SDR16C5: variants seen among roughly 807,000 people sequenced by gnomAD.
SDR16C5 encodes short chain dehydrogenase/reductase family 16C member 5.
In SDR16C5, 20 loss-of-function variants were observed where a neutral mutation model predicts 27.7. The ratio of observed to expected loss-of-function variants is 0.72; its 90% CI spans 0.51 to 1.05. SDR16C5 has a LOEUF of 1.05. Ranked by LOEUF, SDR16C5 falls within the 50% of genes least tolerant of loss-of-function variation. The pLI, the probability that SDR16C5 is intolerant of heterozygous loss-of-function variation, is 0.00. For synonymous variants in SDR16C5, 139 were observed against 132.3 expected, an observed-to-expected ratio of 1.05 and a Z score of -0.35; for missense variants, 374 against 366.3, an observed-to-expected ratio of 1.02 and a Z score of -0.17.
chr8:56,305,020 C>T (rs564277093), intron 6 of SDR16C5, among the ~76,000 whole-genome samples: 42 of 152,312 alleles, frequency 2.8e-4, no homozygotes, highest in Non-Finnish European at 2.8e-4. Context: ...AATCCTCTCA[C>T]CTTGGACTCC....
intron 1 of SDR16C5, among the ~76,000 whole-genome samples, chr8:56,318,972 C>G (rs1203359859): frequency 6.6e-6 from 1 of 152,106 alleles, no homozygotes; most frequent in African/African-American, 2.4e-5. Context: ...TCTTGTGCCT[C>G]AGTTTCCTCC....
rs1419254471 is a variant in SDR16C5 at position 56,303,288 on chromosome 8, C to T, written c.837-1715G>A. On this transcript the variant is annotated intron_variant, in intron 6 of 6. Transcript: ENST00000303749. ...CAAGATTGCGCCATTGCACTCCAGC[C>T]CGGGTGATGAGCGAAACTCCATCTT... is the stretch of plus-strand genomic sequence containing the variant. 2.0e-5 allele frequency among the ~76,000 whole-genome samples: 3 copies of T among 150,784 alleles called. No homozygotes were observed. The East Asian group carries it at 5.8e-4, about 29-fold the overall frequency.
At position 56,316,306 on chromosome 8, in the gene SDR16C5, G is replaced by GA; in HGVS notation, c.41dup (p.Gly16ArgfsTer6). The GA allele has an allele frequency of 6.2e-7, 1 of 1,614,052 alleles. No homozygotes were observed. The highest frequency in any genetic ancestry group is 1.3e-5 in the African/African-American group (1 of 75,046). On this transcript the variant is annotated frameshift_variant, in exon 2 of 7. Transcript: ENST00000303749. LOFTEE classifies it high-confidence loss of function. ...GAAGACTAAACAGTGATTTTCCTAAGAAAATGAACAGTTTCTTTGATGATT... is the reference window on the plus strand; with the variant it reads ...GAAGACTAAACAGTGATTTTCCTAAGAAAAATGAACAGTTTCTTTGATGATT...
intron 3 of SDR16C5, chr8:56,309,454 G>C (rs992196914): frequency 2.0e-6 from 2 of 985,318 alleles, no homozygotes; most frequent in Non-Finnish European, 1.2e-6. Flanking sequence ...TCTGGCTGTT[G>C]ACTTCAATTT....
chr8:56,309,042 G>A lies in SDR16C5; in HGVS notation c.466-15C>T. On this transcript the variant is annotated splice_polypyrimidine_tract_variant and intron_variant, in intron 3 of 6. Transcript: ENST00000303749. Reference sequence around the variant, plus strand: ...GCTTTATAAGTCTAAGAATACAAAGGAAAACTTTTAATGTTTAATGCCACA... The same window carrying A: ...GCTTTATAAGTCTAAGAATACAAAGAAAAACTTTTAATGTTTAATGCCACA... 1 of 1,552,688 alleles carries A rather than the reference G, an allele frequency of 6.4e-7. No homozygotes were observed. The highest frequency in any genetic ancestry group is 8.8e-7 in the Non-Finnish European group (1 of 1,139,914).
intron 2 of SDR16C5, among the ~76,000 whole-genome samples, chr8:56,314,338 C>T (rs964590468): frequency 6.6e-6 from 1 of 152,130 alleles, no homozygotes; most frequent in African/African-American, 2.4e-5. Context: ...CAAGACCCCA[C>T]AGTGATAAAA....
chr8:56,305,363 C>T (rs1478333801), intron 6 of SDR16C5, among the ~76,000 whole-genome samples: 3 of 152,144 alleles, frequency 2.0e-5, no homozygotes, highest in African/African-American at 7.2e-5. Context: ...TAATTCGATA[C>T]TAAGGTGGCA....
chr8:56,311,834 G>A (rs1815051783), intron 3 of SDR16C5, among the ~76,000 whole-genome samples: 2 of 152,210 alleles, frequency 1.3e-5, no homozygotes, highest in Admixed American at 6.5e-5. Context: ...AATCTTTTAA[G>A]TTCTATGATC....
intron 1 of SDR16C5, among the ~76,000 whole-genome samples, chr8:56,319,699 A>G (rs1244042980): frequency 6.6e-6 from 1 of 152,162 alleles, no homozygotes; most frequent in Non-Finnish European, 1.5e-5. Flanking sequence ...CGGAAGGTGG[A>G]TGCACTGAGC....
At chr8:56,302,218 C>T (rs1009231515) in intron 6 of SDR16C5, among the ~76,000 whole-genome samples, 9 of 152,192 alleles carry the variant, frequency 5.9e-5, no homozygotes, top group African/African-American at 2.2e-4. Context: ...ACCTGAGACT[C>T]ATCCTAAGGT....
intron 3 of SDR16C5, among the ~76,000 whole-genome samples, chr8:56,310,963 T>G (rs1428112109): frequency 6.6e-6 from 1 of 152,142 alleles, no homozygotes; most frequent in African/African-American, 2.4e-5. Flanking sequence ...ATTACATTTT[T>G]GGTGGAAATA....
In SDR16C5 at chr8:56,319,487, C is replaced by T. The variant is rs73598193; in HGVS notation, c.-15+572G>A. On this transcript the variant is annotated intron_variant, in intron 1 of 6. Transcript: ENST00000303749. Reference sequence around the variant, plus strand: ...AAGACTTTCCTAGAATGTTACGGAGCGTATACAATTTAATCTGGCAGAAGT... The same window carrying T: ...AAGACTTTCCTAGAATGTTACGGAGTGTATACAATTTAATCTGGCAGAAGT... 4.9e-3 allele frequency among the ~76,000 whole-genome samples: 747 copies of T among 152,278 alleles called. 5 individuals carry two copies. The highest frequency in any genetic ancestry group is 0.017 in the African/African-American group (709 of 41,554).
chr8:56,306,747 T>C lies in SDR16C5; in HGVS notation c.639A>G (p.Gln213=), dbSNP rs1336999332. 6.2e-7 allele frequency: 1 copy of C among 1,613,966 alleles called. No homozygotes were observed. Among genetic ancestry groups the C allele is most frequent in the African/African-American group, 1.3e-5 (1 of 75,056 alleles). The change falls in exon 5 of 7, where the codon CAA becomes CAG. Residue 213 remains glutamine, a synonymous_variant. Coordinates refer to ENST00000303749, the MANE Select transcript of SDR16C5 (RefSeq NM_138969.4). ...ACACAATCGTGGTTTTGATCCCCTT[T>C]TGTTTTTGGACAAATGTTTCTACAA... ...SVFVETFVQK[Q]KGIKTTIVCP...
rs147625094 is a variant in SDR16C5 at position 56,309,010 on chromosome 8, T to C, written c.483A>G (p.Leu161=). Residue 161 remains leucine, a synonymous_variant, in exon 4 of 7, where the codon CTA becomes CTG. Coordinates refer to ENST00000303749, the MANE Select transcript of SDR16C5 (RefSeq NM_138969.4). ...CATGGTCATTAGCAATCATAGCAGG[T>C]AGAAAGGCTTTATAAGTCTAAGAAT... ...KAHLWTYKAF[L]PAMIANDHGH... is the part of the protein sequence containing the mutation. The C allele has an allele frequency of 6.6e-5, 107 of 1,609,874 alleles. No homozygotes were observed. In the African/African-American group the frequency reaches 1.4e-3, roughly 20 times the overall value.
chr8:56,315,882 T>G, intron 2 of SDR16C5, 133 bp downstream of exon 2: 1 of 665,166 alleles, frequency 1.5e-6, no homozygotes, highest in Non-Finnish European at 2.7e-6. Context: ...AATTCAAAAA[T>G]CCCAATTCCC....
chr8:56,304,140 T>C, intron 6 of SDR16C5: 1 of 689,894 alleles, frequency 1.4e-6, no homozygotes, highest in Non-Finnish European at 2.6e-6. Flanking sequence ...AAAGTAGATA[T>C]AATTAGCTAA....
intron 1 of SDR16C5, among the ~76,000 whole-genome samples, chr8:56,316,660 C>T (rs76920090): frequency 0.038 from 5,760 of 152,282 alleles, 358 homozygotes; most frequent in African/African-American, 0.13. Flanking sequence ...AAATTTAACA[C>T]AAAAGAATAA....
chr8:56,313,635 A>G (rs1204515605), intron 2 of SDR16C5, among the ~76,000 whole-genome samples: 1 of 152,214 alleles, frequency 6.6e-6, no homozygotes, highest in Non-Finnish European at 1.5e-5. Flanking sequence ...ATGTGGGACC[A>G]CCATTTTGTA....
At chr8:56,306,072 C>T (rs76591323) in intron 5 of SDR16C5, among the ~76,000 whole-genome samples, 11,417 of 152,208 alleles carry the variant, frequency 0.075, 541 homozygotes, top group Middle Eastern at 0.13. Flanking sequence ...GTGACTGCTA[C>T]GGACTGGGTA....
Sources: allele counts gnomAD v4.1 joint callset (sites outside exome capture counted in the v4.1 genomes callset), GRCh38; gene constraint gnomAD v4.1.1; transcripts MANE v1.5; gene names NCBI Gene and HGNC (gene_info 2026-07-23, HGNC 2026-07-21).